The following TMEM53 variants were observed in gnomAD, a reference collection of about 807,000 sequenced individuals.
The protein encoded by TMEM53 is transmembrane protein 53.
TMEM53 carries 14 observed loss-of-function variants against 21.4 expected under a neutral mutation model. That is an observed-to-expected ratio of 0.65 (90% confidence interval 0.43 to 1.02). The LOEUF is 1.02. TMEM53 is among the 50% of genes least tolerant of loss of function. The probability of loss-of-function intolerance (pLI) is 0.00; values close to 1 mark genes in which losing one functional copy is unlikely to be tolerated. For synonymous variants in TMEM53, 148 were observed against 157.4 expected (o/e 0.94, Z 0.45); for missense variants, 323 against 383.6 (o/e 0.84, Z 1.32).
intron 1 of TMEM53, among the ~76,000 whole-genome samples, chr1:44,663,013 T>C (rs972253895): frequency 6.6e-6 from 1 of 152,210 alleles, no homozygotes; most frequent in Non-Finnish European, 1.5e-5. Flanking sequence ...CTGGAGAGAC[T>C]GCCTACTCCC....
At chr1:44,663,008 G>A (rs530342167) in intron 1 of TMEM53, among the ~76,000 whole-genome samples, 2 of 152,310 alleles carry the variant, frequency 1.3e-5, no homozygotes, top group Middle Eastern at 3.4e-3. Flanking sequence ...GCACCCTGGA[G>A]AGACTGCCTA....
In TMEM53 at chr1:44,654,434, T is replaced by G; in HGVS notation, c.*125A>C. On this transcript the variant is annotated 3_prime_UTR_variant, in exon 3 of 3. Coordinates refer to ENST00000372237, the MANE Select transcript of TMEM53 (RefSeq NM_024587.4). The surrounding 1 kb of genome is among the most constrained non-coding windows in gnomAD (Gnocchi z 7.0). Reference sequence around the variant, plus strand: ...AGACAGGCCCATAGGAATTTTCTACTTAGGGGACCGCAAAGTCCCAAAGGG... The same window carrying G: ...AGACAGGCCCATAGGAATTTTCTACGTAGGGGACCGCAAAGTCCCAAAGGG... 8.6e-7 allele frequency: 1 copy of G among 1,168,116 alleles called. No individual in the cohort carries two copies. Among genetic ancestry groups the G allele is most frequent in the South Asian group, 1.5e-5 (1 of 68,006 alleles). The allele number at this position is 1,168,116 out of a possible 1,614,324, so 72.4% of individuals were successfully genotyped here.
rs996138379 is a variant in TMEM53, at chr1:44,674,004, G to A, written c.61+327C>T. On this transcript the variant is annotated intron_variant, in intron 1 of 2. Transcript: ENST00000372237. ...CAATCCCAAACAAAGGAATCAGGAG[G>A]GATCCAGCTTTCGGCAGCCTTCAGC... 5.1e-6 allele frequency: 5 copies of A among 985,336 alleles called. No homozygotes were observed. The East Asian group carries it at 4.5e-4, about 89-fold the overall frequency. 61.0% of individuals were successfully genotyped at this position (985,336 alleles called of 1,614,324 possible).
intron 1 of TMEM53, among the ~76,000 whole-genome samples, chr1:44,661,599 C>G (rs975585048): frequency 5.3e-5 from 8 of 152,188 alleles, no homozygotes; most frequent in African/African-American, 1.9e-4. Flanking sequence ...CCTGTCCTGC[C>G]AGAGAATAGC....
At chr1:44,661,935 G>C (rs996908250) in intron 1 of TMEM53, among the ~76,000 whole-genome samples, 25 of 152,192 alleles carry the variant, frequency 1.6e-4, no homozygotes, top group Admixed American at 3.3e-4. Flanking sequence ...GGGGACTTCT[G>C]TACAAGGACC....
chr1:44,655,210 C>T lies in TMEM53; in HGVS notation c.184-1G>A, dbSNP rs1644838870. On this transcript the variant is annotated splice_acceptor_variant, in intron 2 of 2. Coordinates refer to ENST00000372237, the MANE Select transcript of TMEM53 (RefSeq NM_024587.4). LOFTEE classifies it high-confidence loss of function. This position sits in a 1 kb window ranked among gnomAD's most constrained non-coding sequence, Gnocchi z 4.4. ...CTGTGTATCGGATTACGATGCAGCC[C>T]TGGGGAGAGAGGCCTGGTCAGTCCT... 1.3e-6 allele frequency: 2 copies of T among 1,595,332 alleles called. No homozygotes were observed. Among genetic ancestry groups the T allele is most frequent in the Non-Finnish European group, 8.5e-7 (1 of 1,170,040 alleles).
intron 1 of TMEM53, among the ~76,000 whole-genome samples, chr1:44,662,120 G>A (rs547806012): frequency 1.3e-5 from 2 of 152,294 alleles, no homozygotes; most frequent in Admixed American, 1.3e-4. Context: ...ACTAACCTTT[G>A]GACAAAAGGA....
chr1:44,668,355 G>A (rs993844253), intron 1 of TMEM53, among the ~76,000 whole-genome samples: 1 of 151,962 alleles, frequency 6.6e-6, no homozygotes, highest in Non-Finnish European at 1.5e-5. Flanking sequence ...GCAAGAGAAT[G>A]GCGTGAACCC....
intron 1 of TMEM53, 92 bp from the exon 2 acceptor site, chr1:44,660,387 A>G: frequency 1.3e-6 from 2 of 1,497,748 alleles, no homozygotes; most frequent in South Asian, 2.6e-5. Context: ...CGGCTGCTGC[A>G]GGCAGGGAAC....
intron 1 of TMEM53, among the ~76,000 whole-genome samples, chr1:44,671,892 G>A (rs1276066): frequency 0.46 from 70,051 of 152,114 alleles, 16,438 homozygotes; most frequent in East Asian, 0.72. Flanking sequence ...TCGTGCCACT[G>A]CACTCCAGCC....
chr1:44,659,855 C>CTTTTTT (rs35618807), intron 2 of TMEM53, among the ~76,000 whole-genome samples: 6 of 106,938 alleles, frequency 5.6e-5, no homozygotes, highest in Non-Finnish European at 1.1e-4. Context: ...TCCTCACAGG[C>CTTTTTT]TTTTTTTTTT....
At chr1:44,673,407 G>A (rs756397920) in intron 1 of TMEM53, among the ~76,000 whole-genome samples, 1 of 152,220 alleles carries the variant, frequency 6.6e-6, no homozygotes, top group Non-Finnish European at 1.5e-5. Flanking sequence ...GACAGGAGGC[G>A]TGAAGGCGAT....
chr1:44,662,316 C>T lies in TMEM53; in HGVS notation c.62-2021G>A, dbSNP rs1350980093. ...CCCCTGCTGACACCTGCCAGCCCTC[C>T]CGGCCTCCACAGGTGCTGGCTCGGC... On this transcript the variant is annotated intron_variant, in intron 1 of 2. Transcript: ENST00000372237. 2.0e-5 allele frequency among the ~76,000 whole-genome samples: 3 copies of T among 152,250 alleles called. No individual in the cohort carries two copies. The East Asian group carries it at 5.8e-4, about 29-fold the overall frequency.
At chr1:44,671,354 G>A (rs1362437506) in intron 1 of TMEM53, among the ~76,000 whole-genome samples, 1 of 152,256 alleles carries the variant, frequency 6.6e-6, no homozygotes, top group African/African-American at 2.4e-5. Context: ...CCAGGGCTCT[G>A]AATGACCCCA....
intron 1 of TMEM53, among the ~76,000 whole-genome samples, chr1:44,661,071 C>T (rs1644897782): frequency 6.6e-6 from 1 of 152,062 alleles, no homozygotes; most frequent in African/African-American, 2.4e-5. Flanking sequence ...TGGAACATGC[C>T]ACACTTATCA....
At chr1:44,669,924 G>A (rs565293907) in intron 1 of TMEM53, among the ~76,000 whole-genome samples, 1 of 151,232 alleles carries the variant, frequency 6.6e-6, no homozygotes, top group Non-Finnish European at 1.5e-5. Flanking sequence ...TCAGCCTCCT[G>A]AGTAGCTGAG....
intron 1 of TMEM53, chr1:44,673,771 G>A (rs1458199726): frequency 2.3e-6 from 2 of 888,356 alleles, no homozygotes; most frequent in African/African-American, 1.8e-5. Flanking sequence ...GCTTACCAAA[G>A]GTAATCCAGC....
chr1:44,674,287 A>G (rs1479736390), intron 1 of TMEM53, 44 bp downstream of exon 1: 1 of 1,580,106 alleles, frequency 6.3e-7, no homozygotes, highest in Admixed American at 1.9e-5. Context: ...CCACAGGTTC[A>G]TGAGGTCACC....
At chr1:44,663,853 C>A (rs909361063) in intron 1 of TMEM53, among the ~76,000 whole-genome samples, 2 of 152,204 alleles carry the variant, frequency 1.3e-5, no homozygotes, top group African/African-American at 4.8e-5. Context: ...GTGTCAGGCA[C>A]TATTGTAAGC....
Sources: gnomAD v4.1 joint callset for allele counts (sites outside exome capture counted in the v4.1 genomes callset) on GRCh38, gnomAD v4.1.1 for gene constraint, Gnocchi (gnomAD v3.1) non-coding constraint, MANE v1.5 for transcripts, NCBI Gene and HGNC (gene_info 2026-07-23, HGNC 2026-07-21) for gene names.